MARK1: variants seen among roughly 807,000 people sequenced by gnomAD.
MARK1 encodes the protein serine/threonine-protein kinase MARK1.
Under a neutral mutation model 96.3 loss-of-function variants are expected in MARK1, and 40 were observed. That is an observed-to-expected ratio of 0.42 (90% confidence interval 0.32 to 0.54). MARK1 has a LOEUF of 0.54. Ranked by LOEUF, MARK1 falls within the 20% of genes least tolerant of loss-of-function variation. MARK1 has a pLI of 0.16. For missense variants in MARK1, 719 were observed against 984.6 expected, an observed-to-expected ratio of 0.73 and a Z score of 3.61; for synonymous variants, 317 against 341.2, an observed-to-expected ratio of 0.93 and a Z score of 0.78.
chr1:220,659,648 A>G (rs1323049385), intron 17 of MARK1, among the ~76,000 whole-genome samples: 1 of 152,216 alleles, frequency 6.6e-6, no homozygotes, highest in African/African-American at 2.4e-5. Flanking sequence ...TATCAGTGGT[A>G]ATGTCTGTGA....
chr1:220,528,577 A>C lies in MARK1; in HGVS notation c.-246A>C. ...AGCGCCGGGCAACCGCCTCGCCCGA[A>C]GCCCTCCCTCGTTACTGTCCGCATA... On this transcript the variant is annotated 5_prime_UTR_variant, in exon 1 of 18. Coordinates refer to ENST00000366917, the MANE Select transcript of MARK1 (RefSeq NM_018650.5). 2 of 466,776 alleles carry C rather than the reference A, an allele frequency of 4.3e-6. No individual in the cohort carries two copies. The highest frequency in any genetic ancestry group is 3.5e-5 in the South Asian group (1 of 28,824). 28.9% of individuals were successfully genotyped at this position (466,776 alleles called of 1,614,324 possible).
intron 1 of MARK1, among the ~76,000 whole-genome samples, chr1:220,530,832 T>A (rs1309919112): frequency 6.6e-6 from 1 of 152,222 alleles, no homozygotes; most frequent in East Asian, 1.9e-4. Context: ...TTGTACATAA[T>A]GATATCTCCA....
chr1:220,613,383 T>C (rs1404337730), intron 6 of MARK1, among the ~76,000 whole-genome samples: 1 of 152,214 alleles, frequency 6.6e-6, no homozygotes, highest in Non-Finnish European at 1.5e-5. Context: ...TTTGCATTCT[T>C]GATGCTTTGA....
chr1:220,555,281 C>G (rs1329091211), intron 1 of MARK1, among the ~76,000 whole-genome samples: 1 of 152,160 alleles, frequency 6.6e-6, no homozygotes, highest in Non-Finnish European at 1.5e-5. Context: ...ACATAATCAT[C>G]CTATCTGTAT....
intron 1 of MARK1, among the ~76,000 whole-genome samples, chr1:220,567,098 A>G (rs1307677883): frequency 6.6e-6 from 1 of 152,134 alleles, no homozygotes; most frequent in African/African-American, 2.4e-5. Flanking sequence ...TTTCTCCCTT[A>G]CACAAATGGC....
At chr1:220,626,483 C>G in intron 9 of MARK1, 1 of 535,484 alleles carries the variant, frequency 1.9e-6, no homozygotes, top group South Asian at 1.4e-5. Context: ...CAGTGTGGCT[C>G]AGACTCCTTA....
rs1213128406 is a variant in MARK1, at chr1:220,592,214, TATATC to T, written c.310-6112_310-6108del. Among the ~76,000 whole-genome samples, 11 of 130,016 alleles carry T rather than the reference TATATC, an allele frequency of 8.5e-5. No individual in the cohort carries two copies. The East Asian group carries it at 1.9e-3, about 23-fold the overall frequency. The allele number at this position is 130,016 out of a possible 152,430, so 85.3% of individuals were successfully genotyped here. On this transcript the variant is annotated intron_variant, in intron 3 of 17. Transcript: ENST00000366917. ...GGTGATGGAATTTCACTGTCATGAT[TATATC>T]ATATTATATTATATTATATTATATT...
chr1:220,545,039 G>C (rs1661382783), intron 1 of MARK1, among the ~76,000 whole-genome samples: 2 of 152,174 alleles, frequency 1.3e-5, no homozygotes, highest in South Asian at 4.1e-4. Flanking sequence ...TTAGAACACA[G>C]AGTAAAGAAG....
intron 13 of MARK1, among the ~76,000 whole-genome samples, chr1:220,648,552 T>A (rs762295509): frequency 6.6e-6 from 1 of 151,678 alleles, no homozygotes; most frequent in Non-Finnish European, 1.5e-5. Context: ...GGAGGTAGAG[T>A]GGGAGGAGCA....
chr1:220,662,248 G>T lies in MARK1; in HGVS notation c.*82G>T. ...TGAATGTACTGGTAATGCCTAATGT[G>T]GTCTGCCTGTGAATCTCCCCATGTA... On this transcript the variant is annotated 3_prime_UTR_variant, in exon 18 of 18. Transcript: ENST00000366917. 9.6e-7 allele frequency: 1 copy of T among 1,047,036 alleles called. No individual in the cohort carries two copies. Among genetic ancestry groups the T allele is most frequent in the East Asian group, 2.5e-5 (1 of 39,250 alleles). The allele number at this position is 1,047,036 out of a possible 1,614,324, so 64.9% of individuals were successfully genotyped here. A position where few individuals can be genotyped will look rare whatever the true frequency, so the allele number is the denominator to read the frequency against.
rs190875915 is a variant in MARK1 at position 220,664,080 on chromosome 1, A to G, written c.*1914A>G. On this transcript the variant is annotated 3_prime_UTR_variant, in exon 18 of 18. Coordinates refer to ENST00000366917, the MANE Select transcript of MARK1 (RefSeq NM_018650.5). ...GAAGGTTTCTTGTCATTATGACAAGAAAGTTTAATCTTTTTATAGGAATTC... is the reference window on the plus strand; with the variant it reads ...GAAGGTTTCTTGTCATTATGACAAGGAAGTTTAATCTTTTTATAGGAATTC... 2 of 152,516 alleles carry G rather than the reference A, an allele frequency of 1.3e-5. No individual in the cohort carries two copies. Among genetic ancestry groups the G allele is most frequent in the Admixed American group, 6.5e-5 (1 of 15,298 alleles). The allele number at this position is 152,516 out of a possible 1,614,324, so 9.4% of individuals were successfully genotyped here.
chr1:220,614,133 G>A (rs144502019), intron 6 of MARK1, among the ~76,000 whole-genome samples: 2 of 151,844 alleles, frequency 1.3e-5, no homozygotes, highest in Non-Finnish European at 2.9e-5. Context: ...TCAGCCTCCC[G>A]TGTAGCTGGG....
chr1:220,611,553 C>G (rs967533743), intron 6 of MARK1, among the ~76,000 whole-genome samples: 1 of 152,098 alleles, frequency 6.6e-6, no homozygotes, highest in Non-Finnish European at 1.5e-5. Flanking sequence ...GCTCGCCCTC[C>G]GTGGGCTGCA....
At chr1:220,590,544 C>T (rs1664917671) in intron 3 of MARK1, among the ~76,000 whole-genome samples, 1 of 152,232 alleles carries the variant, frequency 6.6e-6, no homozygotes, top group Admixed American at 6.5e-5. Context: ...TTCCCTGTCT[C>T]CAAGTATAGT....
chr1:220,592,847 G>A (rs746880797), intron 3 of MARK1, among the ~76,000 whole-genome samples: 5 of 152,314 alleles, frequency 3.3e-5, no homozygotes, highest in Middle Eastern at 3.4e-3. Flanking sequence ...CAGAGGGAAT[G>A]CAGAGCAAAG....
At chr1:220,546,636 A>G (rs2589588) in intron 1 of MARK1, among the ~76,000 whole-genome samples, 28,225 of 152,204 alleles carry the variant, frequency 0.19, 3,331 homozygotes, top group East Asian at 0.36. Flanking sequence ...GAGGGATATT[A>G]TTGCTTTGTA....
chr1:220,639,821 T>TGGGATA (rs1668170711), intron 13 of MARK1, among the ~76,000 whole-genome samples: 1 of 152,194 alleles, frequency 6.6e-6, no homozygotes, highest in Non-Finnish European at 1.5e-5. Context: ...TCCAAATGGT[T>TGGGATA]GGGATAATTT....
intron 11 of MARK1, among the ~76,000 whole-genome samples, chr1:220,633,715 C>T (rs772268714): frequency 1.5e-4 from 23 of 152,184 alleles, no homozygotes; most frequent in Non-Finnish European, 2.9e-4. Context: ...AACAGTAGCA[C>T]TTGGCGACCA....
intron 3 of MARK1, among the ~76,000 whole-genome samples, chr1:220,587,093 GATCT>G (rs1292139754): frequency 6.6e-6 from 1 of 151,922 alleles, no homozygotes; most frequent in Non-Finnish European, 1.5e-5. Flanking sequence ...TTCTGAATTT[GATCT>G]TTCTTATTCC....
Sources: allele counts gnomAD v4.1 joint callset (sites outside exome capture counted in the v4.1 genomes callset), GRCh38; gene constraint gnomAD v4.1.1; transcripts MANE v1.5; gene names NCBI Gene and HGNC (gene_info 2026-07-23, HGNC 2026-07-21).